Variants in UQCRC2 observed in about 807,000 individuals in gnomAD.
UQCRC2 encodes the protein cytochrome b-c1 complex subunit 2, mitochondrial.
Under a neutral mutation model 55.6 loss-of-function variants are expected in UQCRC2, and 49 were observed. The ratio of observed to expected loss-of-function variants is 0.88; its 90% CI spans 0.70 to 1.12. The LOEUF (loss-of-function observed/expected upper bound fraction) is 1.12, where lower values mean the gene tolerates loss of function less well. Among genes scored for constraint, UQCRC2 ranks in the 50% most tolerant of loss-of-function variants. The probability of loss-of-function intolerance (pLI) is 0.00; values close to 1 mark genes in which losing one functional copy is unlikely to be tolerated. For synonymous variants in UQCRC2, 193 were observed against 192.0 expected (o/e 1.01, Z -0.04); for missense variants, 506 against 547.8 (o/e 0.92, Z 0.76).
intron 12 of UQCRC2, among the ~76,000 whole-genome samples, chr16:21,979,728 A>G (rs1168101601): frequency 1.3e-5 from 2 of 152,150 alleles, no homozygotes; most frequent in Non-Finnish European, 2.9e-5. Context: ...GTAGATACTA[A>G]ACACTGTAAA....
At chr16:21,961,140 A>G (rs1298058081) in intron 4 of UQCRC2, among the ~76,000 whole-genome samples, 2 of 152,056 alleles carry the variant, frequency 1.3e-5, no homozygotes, top group African/African-American at 4.8e-5. Flanking sequence ...GATTTTTTAT[A>G]TATTGTGTTG....
chr16:21,973,850 T>TTTTA (rs1217097985), intron 10 of UQCRC2, 46 bp from the exon 11 acceptor site: 4 of 1,573,352 alleles, frequency 2.5e-6, no homozygotes, highest in Non-Finnish European at 3.5e-6. Flanking sequence ...TCGTGCCCTG[T>TTTTA]TTTACTTGGT....
chr16:21,956,037 C>T (rs1898081270), intron 1 of UQCRC2, among the ~76,000 whole-genome samples: 1 of 152,144 alleles, frequency 6.6e-6, no homozygotes, highest in African/African-American at 2.4e-5. Context: ...GTTTGTCAGG[C>T]TAGTCTCGAG....
rs547168987 is a variant in UQCRC2 at position 21,960,883 on chromosome 16, T to A, written c.333-1577T>A. Among the ~76,000 whole-genome samples, 9 of 152,128 alleles carry A rather than the reference T, an allele frequency of 5.9e-5. No homozygotes were observed. The East Asian group carries it at 1.7e-3, about 29-fold the overall frequency. ...TCTTGCTCTGTTTCCCAGGCTGGAGTGGAGTGGTGCAGACATACCTTATTG... is the reference window on the plus strand; with the variant it reads ...TCTTGCTCTGTTTCCCAGGCTGGAGAGGAGTGGTGCAGACATACCTTATTG... On this transcript the variant is annotated intron_variant, in intron 4 of 13. Transcript: ENST00000268379.
intron 12 of UQCRC2, 48 bp from the exon 13 acceptor site, chr16:21,980,499 A>G (rs1398711762): frequency 2.5e-6 from 4 of 1,585,338 alleles, no homozygotes; most frequent in Non-Finnish European, 3.4e-6. Flanking sequence ...AGAAAAAAAA[A>G]ATAATTGCCT....
At chr16:21,954,166 G>A (rs1898055515) in intron 1 of UQCRC2, among the ~76,000 whole-genome samples, 1 of 152,190 alleles carries the variant, frequency 6.6e-6, no homozygotes, top group Non-Finnish European at 1.5e-5. Context: ...CATAGCGAGG[G>A]ACAGAATGCC....
At chr16:21,961,437 G>T in intron 4 of UQCRC2, 1 of 270,940 alleles carries the variant, frequency 3.7e-6, no homozygotes, top group Non-Finnish European at 7.8e-6. Context: ...AATAGAGTGT[G>T]AACAAGCAAG....
At chr16:21,963,105 C>G in intron 6 of UQCRC2, 1 of 396,524 alleles carries the variant, frequency 2.5e-6, no homozygotes, top group South Asian at 3.2e-5. Flanking sequence ...TCTCCTGCCT[C>G]AGCCTCCTGA....
intron 13 of UQCRC2, 141 bp downstream of exon 13, chr16:21,980,841 C>A: frequency 1.0e-6 from 1 of 960,148 alleles, no homozygotes; most frequent in Non-Finnish European, 1.5e-6. Flanking sequence ...GGCAGGAGGG[C>A]TCATTCCCAT....
rs746528358 is a variant in UQCRC2, at chr16:21,957,457, A to G, written c.158A>G (p.Glu53Gly). The G allele has an allele frequency of 1.2e-6, 2 of 1,614,160 alleles. No individual in the cohort carries two copies. The highest frequency in any genetic ancestry group is 1.7e-6 in the Non-Finnish European group (2 of 1,180,030). Residue 53 changes from glutamate to glycine, a missense_variant, in exon 3 of 14, where the codon GAA becomes GGA. Transcript: ENST00000268379. ...LPNGLVIASL[E>G]NYSPVSRIGL... ...AATGGCTTGGTGATTGCTTCTTTGG[A>G]AAACTATTCTCCTGTATCAAGAATT...
chr16:21,970,862 A>G (rs1199962865), intron 8 of UQCRC2, among the ~76,000 whole-genome samples: 1 of 152,122 alleles, frequency 6.6e-6, no homozygotes, highest in Non-Finnish European at 1.5e-5. Context: ...TTGGGATTAC[A>G]GATGTGAGCC....
intron 5 of UQCRC2, 109 bp from the exon 6 acceptor site, chr16:21,962,652 C>A: frequency 1.3e-6 from 2 of 1,590,188 alleles, no homozygotes; most frequent in Non-Finnish European, 1.7e-6. Flanking sequence ...AAAAACACTG[C>A]TTACCACAAG....
chr16:21,981,214 T>C (rs927794276), intron 13 of UQCRC2, among the ~76,000 whole-genome samples: 41 of 151,810 alleles, frequency 2.7e-4, no homozygotes, highest in Non-Finnish European at 1.5e-5. Flanking sequence ...TTCTTGCTAA[T>C]TTTTTTTTCA....
chr16:21,961,666 A>G (rs1315988733), intron 4 of UQCRC2, among the ~76,000 whole-genome samples: 1 of 111,112 alleles, frequency 9.0e-6, no homozygotes, highest in Non-Finnish European at 1.8e-5. Context: ...ATATATATAT[A>G]TATTTTAGAC....
At chr16:21,955,967 A>G (rs1348466479) in intron 1 of UQCRC2, among the ~76,000 whole-genome samples, 1 of 152,098 alleles carries the variant, frequency 6.6e-6, no homozygotes, top group Non-Finnish European at 1.5e-5. Flanking sequence ...CTGGGATTAC[A>G]GGCATGCATC....
intron 12 of UQCRC2, 148 bp downstream of exon 12, chr16:21,976,391 T>TA (rs1898587081): frequency 3.0e-6 from 2 of 661,802 alleles, no homozygotes; most frequent in Non-Finnish European, 5.0e-6. Flanking sequence ...TCCTACCACC[T>TA]AAAGATATAA....
chr16:21,956,376 T>A (rs1357325832), intron 1 of UQCRC2, among the ~76,000 whole-genome samples: 1 of 152,030 alleles, frequency 6.6e-6, no homozygotes, highest in East Asian at 1.9e-4. Flanking sequence ...AAACGCCATC[T>A]CTACTAAAAT....
intron 6 of UQCRC2, 28 bp from the exon 7 acceptor site, chr16:21,965,380 C>G: frequency 6.3e-7 from 1 of 1,599,896 alleles, no homozygotes; most frequent in Non-Finnish European, 8.6e-7. Flanking sequence ...AGTGCATTTC[C>G]CTAAATGCTT....
chr16:21,976,759 A>G (rs1470594063), intron 12 of UQCRC2: 2 of 152,238 alleles, frequency 1.3e-5, no homozygotes, highest in African/African-American at 4.8e-5. Flanking sequence ...ATACTTTTTT[A>G]TCTTATTTAA....
Sources: gnomAD v4.1 joint callset for allele counts (sites outside exome capture counted in the v4.1 genomes callset) on GRCh38, gnomAD v4.1.1 for gene constraint, MANE v1.5 for transcripts, NCBI Gene and HGNC (gene_info 2026-07-23, HGNC 2026-07-21) for gene names.